The following SPOCK1 variants were observed in gnomAD, a reference collection of about 807,000 sequenced individuals.
The protein encoded by SPOCK1 is SPARC (osteonectin), cwcv and kazal like domains proteoglycan 1, also known as testican-1.
SPOCK1 carries 23 observed loss-of-function variants against 55.3 expected under a neutral mutation model. The ratio of observed to expected loss-of-function variants is 0.42; its 90% CI spans 0.30 to 0.59. The LOEUF (loss-of-function observed/expected upper bound fraction) is 0.59, where lower values mean the gene tolerates loss of function less well. Ranked by LOEUF, SPOCK1 falls within the 20% of genes least tolerant of loss-of-function variation. The probability of loss-of-function intolerance (pLI) is 0.22; values close to 1 mark genes in which losing one functional copy is unlikely to be tolerated. For missense variants in SPOCK1, 499 were observed against 552.5 expected, an observed-to-expected ratio of 0.90 and a Z score of 0.97; for synonymous variants, 226 against 221.0, an observed-to-expected ratio of 1.02 and a Z score of -0.20.
intron 3 of SPOCK1, among the ~76,000 whole-genome samples, chr5:137,208,627 GTTCTCACTTATA>G (rs1755559774): frequency 6.6e-6 from 1 of 152,162 alleles, no homozygotes; most frequent in African/African-American, 2.4e-5. Context: ...AATACTGCAT[GTTCTCACTTATA>G]AGTGGGGGCT....
At chr5:137,238,798 A>G in intron 3 of SPOCK1, among the ~76,000 whole-genome samples, 1 of 152,240 alleles carries the variant, frequency 6.6e-6, no homozygotes, top group South Asian at 2.1e-4. Context: ...GATCACACTT[A>G]ATGGGGGCAA....
At chr5:137,010,813 T>C (rs117622979) in intron 6 of SPOCK1, among the ~76,000 whole-genome samples, 3 of 152,310 alleles carry the variant, frequency 2.0e-5, no homozygotes, top group East Asian at 3.9e-4. Flanking sequence ...ATTGGGTCTC[T>C]GGGTTTATAG....
chr5:137,356,103 T>G (rs1250054647), intron 2 of SPOCK1, among the ~76,000 whole-genome samples: 1 of 152,154 alleles, frequency 6.6e-6, no homozygotes, highest in African/African-American at 2.4e-5. Context: ...TGGGCTCAAC[T>G]GAGTCAAAGC....
Position 136,988,495 on chromosome 5 carries a change from GA to G in SPOCK1, c.854del (p.Phe285SerfsTer33), listed in dbSNP as rs767692443. The part of the protein sequence containing the change: ...DKYEPCIKPL[F>X]NSCDSFKDGK... ...CATCCTTGAAGGAGTCACACGAGTT[GA>G]AAAGAGGCTTGATACAGGGCTCGTA... is the stretch of plus-strand genomic sequence containing the variant. On this transcript the variant is annotated frameshift_variant, in exon 8 of 11. Transcript: ENST00000394945. LOFTEE classifies it high-confidence loss of function. 6.2e-7 allele frequency: 1 copy of G among 1,614,154 alleles called. No homozygotes were observed.
In SPOCK1 at chr5:137,232,115, T is replaced by C. The variant is rs541269532; in HGVS notation, c.232+34895A>G. On this transcript the variant is annotated intron_variant, in intron 3 of 10. Coordinates refer to ENST00000394945, the MANE Select transcript of SPOCK1 (RefSeq NM_004598.4). ...CTCAACACTTGCCACCTGTAAGATA[T>C]GTGATTTGCAAATATTTTCCAGTCT... is the stretch of plus-strand genomic sequence containing the variant. 4.6e-5 allele frequency among the ~76,000 whole-genome samples: 7 copies of C among 152,352 alleles called. No individual in the cohort carries two copies. The East Asian group carries it at 1.2e-3, about 25-fold the overall frequency.
At chr5:137,366,914 G>A (rs1751083900) in intron 2 of SPOCK1, among the ~76,000 whole-genome samples, 1 of 152,224 alleles carries the variant, frequency 6.6e-6, no homozygotes, top group African/African-American at 2.4e-5. Flanking sequence ...AAGTAACTGA[G>A]AAGAATAACA....
intron 2 of SPOCK1, among the ~76,000 whole-genome samples, chr5:137,498,093 T>G (rs1160924623): frequency 2.6e-5 from 4 of 152,034 alleles, no homozygotes; most frequent in Non-Finnish European, 5.9e-5. Context: ...TGTGCTGTAT[T>G]TTAGTGCAGT....
chr5:137,175,951 A>C (rs1754843339), intron 3 of SPOCK1, among the ~76,000 whole-genome samples: 1 of 152,192 alleles, frequency 6.6e-6, no homozygotes, highest in South Asian at 2.1e-4. Flanking sequence ...ATCTGCAATA[A>C]TAGTAAAGGC....
In SPOCK1 at chr5:136,988,601, C is replaced by T; in HGVS notation, c.749G>A (p.Gly250Asp). The T allele has an allele frequency of 6.2e-7, 1 of 1,613,842 alleles. No homozygotes were observed. The highest frequency in any genetic ancestry group is 8.5e-7 in the Non-Finnish European group (1 of 1,179,854). Residue 250 changes from glycine to aspartate, a missense_variant, in exon 8 of 11, where the codon GGC (glycine) becomes GAC (aspartate). Coordinates refer to ENST00000394945, the MANE Select transcript of SPOCK1 (RefSeq NM_004598.4). ...CATGTCCAACTTGTTGAACATCCAGCCCAGGGAGTCCTTGCAGATGGGCAG... is the reference window on the plus strand; with the variant it reads ...CATGTCCAACTTGTTGAACATCCAGTCCAGGGAGTCCTTGCAGATGGGCAG... ...SILPICKDSLGWMFNKLDMNY... is the reference protein window; with the variant it reads ...SILPICKDSLDWMFNKLDMNY...
intron 6 of SPOCK1, among the ~76,000 whole-genome samples, chr5:137,053,948 C>A (rs1407955348): frequency 6.6e-6 from 1 of 152,124 alleles, no homozygotes; most frequent in African/African-American, 2.4e-5. Context: ...ATGGGCTAGA[C>A]AACTAACAGT....
chr5:137,419,426 C>T (rs1245246575), intron 2 of SPOCK1, among the ~76,000 whole-genome samples: 2 of 152,100 alleles, frequency 1.3e-5, no homozygotes, highest in African/African-American at 2.4e-5. Flanking sequence ...ATTCTTCCTA[C>T]CCATGAGCAT....
chr5:137,411,079 C>T (rs560253880), intron 2 of SPOCK1, among the ~76,000 whole-genome samples: 19 of 152,274 alleles, frequency 1.2e-4, no homozygotes, highest in Admixed American at 2.0e-4. Context: ...CACCCTCTTA[C>T]GGACCGGGCA....
intron 3 of SPOCK1, among the ~76,000 whole-genome samples, chr5:137,151,527 T>C (rs757740997): frequency 2.0e-5 from 3 of 152,196 alleles, no homozygotes; most frequent in Non-Finnish European, 4.4e-5. Flanking sequence ...TGGTAAGCTC[T>C]CCAGGGTACT....
chr5:137,356,099 C>T (rs1750787022), intron 2 of SPOCK1, among the ~76,000 whole-genome samples: 1 of 152,202 alleles, frequency 6.6e-6, no homozygotes, highest in Non-Finnish European at 1.5e-5. Context: ...AGGGTGGGCT[C>T]AACTGAGTCA....
intron 6 of SPOCK1, among the ~76,000 whole-genome samples, chr5:137,055,692 A>G (rs1440143681): frequency 6.6e-6 from 1 of 152,224 alleles, no homozygotes; most frequent in African/African-American, 2.4e-5. Flanking sequence ...AGAATGTTCT[A>G]TACCACAGGA....
chr5:137,492,311 T>C (rs542226745), intron 2 of SPOCK1, among the ~76,000 whole-genome samples: 12 of 152,310 alleles, frequency 7.9e-5, no homozygotes, highest in South Asian at 4.1e-4. Context: ...GGGACTTCTG[T>C]TGGCACTATC....
intron 2 of SPOCK1, among the ~76,000 whole-genome samples, chr5:137,475,581 T>G (rs1029387281): frequency 6.6e-6 from 1 of 151,834 alleles, no homozygotes; most frequent in East Asian, 1.9e-4. Flanking sequence ...TATTTATTTA[T>G]TTATTTATTT....
intron 2 of SPOCK1, among the ~76,000 whole-genome samples, chr5:137,399,363 TTTGTTG>T (rs140515377): frequency 0.19 from 29,210 of 150,840 alleles, 3,463 homozygotes; most frequent in African/African-American, 0.33. Flanking sequence ...CTCTTTATTG[TTTGTTG>T]TTGTTGTTGT....
chr5:137,073,636 T>A (rs890568234), intron 5 of SPOCK1, among the ~76,000 whole-genome samples: 10 of 152,206 alleles, frequency 6.6e-5, no homozygotes, highest in African/African-American at 2.2e-4. Flanking sequence ...TTAAACTTCT[T>A]GAAGACCAAG....
Sources: allele counts gnomAD v4.1 joint callset (sites outside exome capture counted in the v4.1 genomes callset), GRCh38; gene constraint gnomAD v4.1.1; transcripts MANE v1.5; gene names NCBI Gene and HGNC (gene_info 2026-07-23, HGNC 2026-07-21).